Variants in EPHB1 observed in about 807,000 individuals in gnomAD.
EPHB1 encodes the protein EPH receptor B1.
In EPHB1, 30 loss-of-function variants were observed where a neutral mutation model predicts 94.4. The ratio of observed to expected loss-of-function variants is 0.32; its 90% confidence interval spans 0.24 to 0.43. The LOEUF (loss-of-function observed/expected upper bound fraction) is 0.43. Among genes scored for constraint, EPHB1 ranks in the 20% least tolerant of loss-of-function variants. EPHB1 has a pLI of 1.00. For synonymous variants in EPHB1, 522 were observed against 489.1 expected (o/e 1.07, Z -0.89); for missense variants, 1,055 against 1,308.3 (o/e 0.81, Z 2.99).
chr3:134,924,702 G>C (rs1455362739), intron 1 of EPHB1, among the ~76,000 whole-genome samples: 1 of 152,178 alleles, frequency 6.6e-6, no homozygotes, highest in Admixed American at 6.5e-5. Flanking sequence ...TCACACAAAA[G>C]AGTATTACTC....
intron 5 of EPHB1, among the ~76,000 whole-genome samples, chr3:135,143,686 C>T (rs1940906861): frequency 6.6e-6 from 1 of 152,142 alleles, no homozygotes; most frequent in Non-Finnish European, 1.5e-5. Flanking sequence ...TGACATGCCC[C>T]AGTTGACATG....
chr3:134,951,844 T>G lies in EPHB1; in HGVS notation c.597T>G (p.Ile199Met). The G allele has an allele frequency of 6.2e-7, 1 of 1,614,024 alleles. No individual in the cohort carries two copies. Among genetic ancestry groups the G allele is most frequent in the Non-Finnish European group, 8.5e-7 (1 of 1,179,886 alleles). Residue 199 changes from isoleucine to methionine, a missense_variant, in exon 3 of 16, where the codon ATT becomes ATG. By Grantham distance (10) the Ile-to-Met change is conservative (BLOSUM62 1). Coordinates refer to ENST00000398015, the MANE Select transcript of EPHB1 (RefSeq NM_004441.5). This position sits in a 1 kb window ranked among gnomAD's most constrained non-coding sequence, Gnocchi z 4.5. Reference sequence around the variant, plus strand: ...TCTTCTTCAAAAAGTGTCCCAGCATTGTGCAAAATTTTGCAGTGTTTCCAG... The same window carrying G: ...TCTTCTTCAAAAAGTGTCCCAGCATGGTGCAAAATTTTGCAGTGTTTCCAG... ...VRVFFKKCPS[I>M]VQNFAVFPET...
rs1229902579 is a variant in EPHB1 at position 134,868,920 on chromosome 3, A to T, written c.59-56896A>T. ...ATCCTGTACCATTGCCGCTTGATGC[A>T]TTTGAGGTTCTAGGCCTGCAGGGCC... is the stretch of plus-strand genomic sequence containing the variant. On this transcript the variant is annotated intron_variant, in intron 1 of 15. Coordinates refer to ENST00000398015, the MANE Select transcript of EPHB1 (RefSeq NM_004441.5). 2.0e-5 allele frequency among the ~76,000 whole-genome samples: 3 copies of T among 152,224 alleles called. No homozygotes were observed. The East Asian group carries it at 5.8e-4, about 29-fold the overall frequency.
intron 4 of EPHB1, among the ~76,000 whole-genome samples, chr3:135,131,170 T>C (rs1441052833): frequency 6.6e-6 from 1 of 152,242 alleles, no homozygotes; most frequent in Admixed American, 6.5e-5. Flanking sequence ...AAATGCTCCA[T>C]GAATTCTGCC....
intron 1 of EPHB1, among the ~76,000 whole-genome samples, chr3:134,923,174 A>G (rs976352341): frequency 6.6e-6 from 1 of 152,204 alleles, no homozygotes; most frequent in Non-Finnish European, 1.5e-5. Flanking sequence ...TGTTCCTTCA[A>G]ATATGCATGG....
At chr3:134,926,827 C>T (rs570546503) in intron 2 of EPHB1, among the ~76,000 whole-genome samples, 1 of 152,160 alleles carries the variant, frequency 6.6e-6, no homozygotes, top group Non-Finnish European at 1.5e-5. Flanking sequence ...TTAAGAGGCT[C>T]TTTCAGCTGT....
chr3:135,005,615 G>A (rs978797296), intron 3 of EPHB1, among the ~76,000 whole-genome samples: 12 of 152,228 alleles, frequency 7.9e-5, no homozygotes, highest in African/African-American at 2.7e-4. Context: ...GCGAGACTCC[G>A]TGGGTGTAGG....
At chr3:135,113,011 C>T (rs906997812) in intron 4 of EPHB1, among the ~76,000 whole-genome samples, 9 of 152,128 alleles carry the variant, frequency 5.9e-5, no homozygotes, top group African/African-American at 2.2e-4. Context: ...TGATATTACC[C>T]CGATATGTAA....
At chr3:134,800,229 A>G (rs1169848286) in intron 1 of EPHB1, among the ~76,000 whole-genome samples, 1 of 152,298 alleles carries the variant, frequency 6.6e-6, no homozygotes, top group East Asian at 1.9e-4. Flanking sequence ...TATTCCAACT[A>G]TAGGAGTAGG....
At chr3:135,230,841 T>G (rs1286237214) in intron 12 of EPHB1, among the ~76,000 whole-genome samples, 1 of 152,248 alleles carries the variant, frequency 6.6e-6, no homozygotes, top group African/African-American at 2.4e-5. Context: ...GCTCCTGCAC[T>G]AATTCATTTA....
intron 1 of EPHB1, among the ~76,000 whole-genome samples, chr3:134,899,989 G>A (rs920262146): frequency 1.3e-5 from 2 of 152,210 alleles, no homozygotes; most frequent in Admixed American, 1.3e-4. Flanking sequence ...GGACTATGGA[G>A]GTCATTGTGT....
At chr3:135,170,225 T>C (rs967833391) in intron 9 of EPHB1, among the ~76,000 whole-genome samples, 2 of 152,114 alleles carry the variant, frequency 1.3e-5, no homozygotes, top group African/African-American at 2.4e-5. Context: ...CCTTTCAAAC[T>C]GATGCAAAGG....
chr3:134,959,659 C>T (rs1270799371), intron 3 of EPHB1, among the ~76,000 whole-genome samples: 1 of 152,154 alleles, frequency 6.6e-6, no homozygotes, highest in East Asian at 1.9e-4. Context: ...CCAGAGAGCT[C>T]TGACATGTTA....
At chr3:135,164,806 C>CAAAAAAAAAAA (rs59870139) in intron 7 of EPHB1, among the ~76,000 whole-genome samples, 1 of 86,406 alleles carries the variant, frequency 1.2e-5, no homozygotes. Flanking sequence ...AAGACTGTCT[C>CAAAAAAAAAAA]AAAAAAAAAA....
chr3:135,201,518 C>T lies in EPHB1; in HGVS notation c.2175C>T (p.Leu725=), dbSNP rs1942755758. 6.2e-7 allele frequency: 1 copy of T among 1,613,984 alleles called. No individual in the cohort carries two copies. The highest frequency in any genetic ancestry group is 8.5e-7 in the Non-Finnish European group (1 of 1,180,004). ...CCGTGATCCAGCTTGTGGGTATGCT[C>T]AGGGGCATCGCTGCTGGCATGAAGT... ...QFTVIQLVGM[L]RGIAAGMKYL... is the part of the protein sequence containing the mutation. The change falls in exon 12 of 16, where the codon CTC becomes CTT. Residue 725 remains leucine, a synonymous_variant. Coordinates refer to ENST00000398015, the MANE Select transcript of EPHB1 (RefSeq NM_004441.5).
chr3:135,244,641 C>A (rs565482666), intron 13 of EPHB1, among the ~76,000 whole-genome samples: 34 of 152,322 alleles, frequency 2.2e-4, no homozygotes, highest in South Asian at 1.9e-3. Context: ...GTTCCCCATA[C>A]CTGCTAGTGA....
At chr3:134,943,293 A>G (rs559880965) in intron 2 of EPHB1, among the ~76,000 whole-genome samples, 1 of 152,326 alleles carries the variant, frequency 6.6e-6, no homozygotes, top group African/African-American at 2.4e-5. Flanking sequence ...CAGCAACAAC[A>G]TCGAGGGGCA....
intron 3 of EPHB1, among the ~76,000 whole-genome samples, chr3:135,078,070 G>A (rs999312736): frequency 3.9e-5 from 6 of 152,216 alleles, no homozygotes; most frequent in Admixed American, 6.5e-5. Flanking sequence ...AGTAAAGTCA[G>A]TTATTCAAAG....
chr3:135,257,278 A>C (rs1933440629), intron 15 of EPHB1, among the ~76,000 whole-genome samples: 1 of 152,228 alleles, frequency 6.6e-6, no homozygotes. Flanking sequence ...GTTCCTTTGG[A>C]GGAGGAGAGG....
Sources: gnomAD v4.1 joint callset for allele counts (sites outside exome capture counted in the v4.1 genomes callset) on GRCh38, gnomAD v4.1.1 for gene constraint, Gnocchi (gnomAD v3.1) non-coding constraint, MANE v1.5 for transcripts, NCBI Gene and HGNC (gene_info 2026-07-23, HGNC 2026-07-21) for gene names.